Variants in EFR3A observed in about 807,000 individuals in gnomAD.
The protein encoded by EFR3A is protein EFR3 homolog A.
EFR3A carries 76 observed loss-of-function variants against 104.4 expected under a neutral mutation model. That is an observed-to-expected ratio of 0.73 (90% CI 0.60 to 0.88). The LOEUF (loss-of-function observed/expected upper bound fraction) is 0.88. EFR3A is among the 40% of genes least tolerant of loss of function. EFR3A has a pLI of 0.00. For missense variants in EFR3A, 985 were observed against 1,012.5 expected, an observed-to-expected ratio of 0.97 and a Z score of 0.37; for synonymous variants, 330 against 330.0, an observed-to-expected ratio of 1.00 and a Z score of 0.00.
intron 8 of EFR3A, among the ~76,000 whole-genome samples, chr8:131,967,319 G>A (rs1819790246): frequency 6.6e-6 from 1 of 152,020 alleles, no homozygotes; most frequent in Non-Finnish European, 1.5e-5. Flanking sequence ...TAGAGAAGGA[G>A]GGGAACTTTT....
chr8:131,912,258 A>G (rs2130387765), intron 1 of EFR3A, among the ~76,000 whole-genome samples: 1 of 152,314 alleles, frequency 6.6e-6, no homozygotes, highest in Middle Eastern at 3.4e-3. Context: ...CATACTTCCT[A>G]CGACCTGCAT....
chr8:131,907,772 C>T (rs1264727396), intron 1 of EFR3A, among the ~76,000 whole-genome samples: 2 of 151,748 alleles, frequency 1.3e-5, no homozygotes, highest in Non-Finnish European at 2.9e-5. Context: ...TCTTTCTCTC[C>T]CCTTTTCCCC....
intron 1 of EFR3A, among the ~76,000 whole-genome samples, chr8:131,928,341 G>T (rs1817410433): frequency 6.6e-6 from 1 of 152,070 alleles, no homozygotes; most frequent in African/African-American, 2.4e-5. Flanking sequence ...TGGGGTTTCT[G>T]CAGACATTAT....
intron 3 of EFR3A, among the ~76,000 whole-genome samples, chr8:131,945,533 G>A (rs1452501553): frequency 6.6e-5 from 10 of 151,914 alleles, no homozygotes; most frequent in East Asian, 5.8e-4. Context: ...GTACCTTTGC[G>A]TTGTTACCAC....
At chr8:131,959,558 T>C (rs1819198411) in intron 7 of EFR3A, 27 bp from the exon 8 acceptor site, 1 of 1,596,022 alleles carries the variant, frequency 6.3e-7, no homozygotes, top group African/African-American at 1.3e-5. Context: ...AAATAGAGAA[T>C]TTTAAAGTAA....
intron 1 of EFR3A, among the ~76,000 whole-genome samples, chr8:131,911,637 G>A (rs948440160): frequency 9.9e-5 from 15 of 152,164 alleles, no homozygotes; most frequent in Non-Finnish European, 1.6e-4. Flanking sequence ...TTTATGTAAC[G>A]TATATATGCA....
chr8:131,986,490 A>G (rs2130761825), intron 17 of EFR3A, among the ~76,000 whole-genome samples: 1 of 152,282 alleles, frequency 6.6e-6, no homozygotes, highest in East Asian at 1.9e-4. Context: ...AAATTTTTTA[A>G]GAATAAGACT....
At chr8:131,990,784 GA>G (rs976623277) in intron 18 of EFR3A, among the ~76,000 whole-genome samples, 1 of 152,120 alleles carries the variant, frequency 6.6e-6, no homozygotes, top group Non-Finnish European at 1.5e-5. Context: ...GTAGATTCTA[GA>G]AAAATTTATG....
chr8:131,996,792 G>C (rs1367519235), intron 19 of EFR3A, among the ~76,000 whole-genome samples: 1 of 151,770 alleles, frequency 6.6e-6, no homozygotes, highest in Non-Finnish European at 1.5e-5. Flanking sequence ...AGATTTTTTT[G>C]CTAAGAAACT....
At chr8:131,919,085 ATTTTT>A (rs35514095) in intron 1 of EFR3A, among the ~76,000 whole-genome samples, 3 of 148,554 alleles carry the variant, frequency 2.0e-5, no homozygotes, top group African/African-American at 4.9e-5. Flanking sequence ...TTTGTCAGTG[ATTTTT>A]TTTTTTTTAA....
At chr8:131,999,549 C>T (rs1437103104) in intron 19 of EFR3A, among the ~76,000 whole-genome samples, 1 of 150,292 alleles carries the variant, frequency 6.7e-6, no homozygotes, top group South Asian at 2.2e-4. Context: ...TGCACCACTT[C>T]TCTATAACTC....
In EFR3A at chr8:131,968,343, G is replaced by T. The variant is rs1404606641; in HGVS notation, c.904G>T (p.Ala302Ser). The change falls in exon 9 of 23, where the codon GCT becomes TCT. Residue 302 changes from alanine (A) to serine (S), a missense_variant. By Grantham distance (99) the Ala-to-Ser change is moderately conservative. Transcript: ENST00000254624. The part of the protein sequence containing the change: ...VIQEILGHLD[A>S]RKKDAPRVRA... The stretch of plus-strand genomic sequence containing the variant: ...CCAGGAGATTCTAGGACACCTTGAT[G>T]CTCGTAAAAAAGATGCTCCCCGGGT... The T allele has an allele frequency of 3.7e-6, 6 of 1,613,316 alleles. No homozygotes were observed. The highest frequency in any genetic ancestry group is 5.1e-6 in the Non-Finnish European group (6 of 1,179,586).
chr8:131,932,773 TG>T (rs1028600958), intron 1 of EFR3A, among the ~76,000 whole-genome samples: 3 of 152,140 alleles, frequency 2.0e-5, no homozygotes, highest in African/African-American at 7.2e-5. Flanking sequence ...ACTTTATTTT[TG>T]CCAACAAGTG....
In EFR3A at chr8:131,953,731, T is replaced by C. The variant is rs1818823161; in HGVS notation, c.489-87T>C. The C allele has an allele frequency of 6.2e-5, 73 of 1,177,418 alleles. No homozygotes were observed. The South Asian group carries it at 1.4e-3, about 22-fold the overall frequency. 72.9% of individuals were successfully genotyped at this position (1,177,418 alleles called of 1,614,324 possible). A position where few individuals can be genotyped will look rare whatever the true frequency, so the allele number is the denominator to read the frequency against. On this transcript the variant is annotated intron_variant, in intron 5 of 22. Coordinates refer to ENST00000254624, the MANE Select transcript of EFR3A (RefSeq NM_015137.6). ...TATTGATAAGATAACAGTATTTACT[T>C]GATATCCATTCTCTTAGCTACGCAA... is the stretch of plus-strand genomic sequence containing the variant.
At chr8:131,957,272 T>A (rs1819050696) in intron 7 of EFR3A, among the ~76,000 whole-genome samples, 1 of 151,930 alleles carries the variant, frequency 6.6e-6, no homozygotes, top group Admixed American at 6.6e-5. Context: ...ATATATGGAT[T>A]ATGAGAAAAG....
Position 131,904,205 on chromosome 8 carries a change from G to C in EFR3A, c.-108G>C. The C allele has an allele frequency of 8.3e-7, 1 of 1,208,228 alleles. No individual in the cohort carries two copies. 74.8% of individuals were successfully genotyped at this position (1,208,228 alleles called of 1,614,324 possible). ...CTCCACCCTTCGCCCTTCGCCCTTC[G>C]CCTCGTTCCGGCCTCCGCGGCCCAG... On this transcript the variant is annotated 5_prime_UTR_variant, in exon 1 of 23. Transcript: ENST00000254624.
intron 1 of EFR3A, among the ~76,000 whole-genome samples, chr8:131,905,451 T>C (rs1816207411): frequency 6.6e-6 from 1 of 152,210 alleles, no homozygotes; most frequent in African/African-American, 2.4e-5. Context: ...ATTAAAGATA[T>C]TTAAATATCT....
chr8:131,959,800 T>A (rs1819211714), intron 8 of EFR3A, 137 bp downstream of exon 8: 1 of 527,450 alleles, frequency 1.9e-6, no homozygotes, highest in Non-Finnish European at 3.3e-6. Flanking sequence ...TCTCATTCAT[T>A]TTCATTTGCT....
chr8:131,972,485 CA>C (rs1251933160), intron 10 of EFR3A, among the ~76,000 whole-genome samples: 1 of 149,634 alleles, frequency 6.7e-6, no homozygotes, highest in African/African-American at 2.5e-5. Flanking sequence ...TGTCTGTAGT[CA>C]AAGTACAAAC....
Sources: gnomAD v4.1 joint callset for allele counts (sites outside exome capture counted in the v4.1 genomes callset) on GRCh38, gnomAD v4.1.1 for gene constraint, MANE v1.5 for transcripts, NCBI Gene and HGNC (gene_info 2026-07-23, HGNC 2026-07-21) for gene names.